ARHGAP32: variants seen among roughly 807,000 people sequenced by gnomAD.
The protein encoded by ARHGAP32 is rho GTPase-activating protein 32.
ARHGAP32 carries 51 observed loss-of-function variants against 186.5 expected under a neutral mutation model. The ratio of observed to expected loss-of-function variants is 0.27; its 90% CI spans 0.22 to 0.35. The LOEUF (loss-of-function observed/expected upper bound fraction) is 0.35, where lower values mean the gene tolerates loss of function less well. Among genes scored for constraint, ARHGAP32 ranks in the 10% least tolerant of loss-of-function variants. ARHGAP32 has a pLI of 1.00. For missense variants in ARHGAP32, 2,186 were observed against 2,623.5 expected, an observed-to-expected ratio of 0.83 and a Z score of 3.64; for synonymous variants, 950 against 964.3, an observed-to-expected ratio of 0.99 and a Z score of 0.27.
At chr11:129,083,291 C>T (rs1941276979) in intron 6 of ARHGAP32, among the ~76,000 whole-genome samples, 1 of 152,162 alleles carries the variant, frequency 6.6e-6, no homozygotes, top group Non-Finnish European at 1.5e-5. Context: ...ATGTTTATAG[C>T]AGCACAATTT....
chr11:129,183,834 C>T (rs1199504730), intron 1 of ARHGAP32, among the ~76,000 whole-genome samples: 1 of 152,076 alleles, frequency 6.6e-6, no homozygotes, highest in Non-Finnish European at 1.5e-5. Context: ...AAAGTTTCCT[C>T]TCAAAACCTA....
In ARHGAP32 at chr11:129,024,118, C is replaced by T. The variant is rs912737390; in HGVS notation, c.1045+16810G>A. 3.0e-6 allele frequency: 3 copies of T among 985,378 alleles called. No individual in the cohort carries two copies. The African/African-American group carries it at 5.2e-5, about 17-fold the overall frequency. The allele number at this position is 985,378 out of a possible 1,614,324, so 61.0% of individuals were successfully genotyped here. Reference sequence around the variant, plus strand: ...CCTGTTTTCAGTCCAGTCAGTGGAGCCCAGCAAGCCAGCAAGTGTGTGGGA... The same window carrying T: ...CCTGTTTTCAGTCCAGTCAGTGGAGTCCAGCAAGCCAGCAAGTGTGTGGGA... On this transcript the variant is annotated intron_variant, in intron 11 of 22. Transcript: ENST00000682385.
chr11:129,144,600 C>A (rs1236258975), intron 2 of ARHGAP32, among the ~76,000 whole-genome samples: 5 of 152,102 alleles, frequency 3.3e-5, no homozygotes, highest in African/African-American at 9.7e-5. Context: ...TGCCAAAAAC[C>A]AGAAACAGGA....
intron 11 of ARHGAP32, among the ~76,000 whole-genome samples, chr11:129,006,697 G>A (rs541405699): frequency 2.0e-5 from 3 of 152,226 alleles, no homozygotes; most frequent in Admixed American, 2.0e-4. Context: ...ACAGCACTGG[G>A]TCTTGCCCAA....
At chr11:128,998,705 C>A (rs1946266616) in intron 11 of ARHGAP32, among the ~76,000 whole-genome samples, 2 of 152,174 alleles carry the variant, frequency 1.3e-5, no homozygotes, top group African/African-American at 4.8e-5. Context: ...GAGGGACTGG[C>A]TGAAGCCATG....
intron 2 of ARHGAP32, among the ~76,000 whole-genome samples, chr11:129,128,728 C>T (rs1461981692): frequency 6.6e-6 from 1 of 152,116 alleles, no homozygotes; most frequent in Admixed American, 6.5e-5. Context: ...GGATTGCAGG[C>T]CCGCACCGCC....
chr11:129,002,938 A>G (rs1937601666), intron 11 of ARHGAP32, among the ~76,000 whole-genome samples: 2 of 149,856 alleles, frequency 1.3e-5, no homozygotes, highest in Admixed American at 6.7e-5. Context: ...CCTCCCGAGT[A>G]GCTGGGACTA....
intron 1 of ARHGAP32, among the ~76,000 whole-genome samples, chr11:129,242,717 C>CAAA (rs1041530601): frequency 9.0e-6 from 1 of 110,982 alleles, no homozygotes; most frequent in Non-Finnish European, 1.9e-5. Context: ...GACTCCACCT[C>CAAA]AAAAAAAAAA....
chr11:129,099,799 C>T (rs1941839599), intron 5 of ARHGAP32, among the ~76,000 whole-genome samples: 1 of 152,074 alleles, frequency 6.6e-6, no homozygotes, highest in Admixed American at 6.5e-5. Flanking sequence ...GGTGAAACAG[C>T]TCCCACTGAG....
At chr11:129,236,466 A>G (rs1944936214) in intron 1 of ARHGAP32, among the ~76,000 whole-genome samples, 1 of 152,152 alleles carries the variant, frequency 6.6e-6, no homozygotes, top group African/African-American at 2.4e-5. Flanking sequence ...GATTCTGAAT[A>G]TTAGTCCTTT....
At chr11:129,274,732 T>C (rs1945510940) in intron 1 of ARHGAP32, among the ~76,000 whole-genome samples, 1 of 152,254 alleles carries the variant, frequency 6.6e-6, no homozygotes, top group South Asian at 2.1e-4. Context: ...AGTCTCTGGA[T>C]AGTAAACTAG....
At chr11:129,241,436 A>G (rs1425401925) in intron 1 of ARHGAP32, among the ~76,000 whole-genome samples, 1 of 152,166 alleles carries the variant, frequency 6.6e-6, no homozygotes, top group African/African-American at 2.4e-5. Flanking sequence ...CGAGCCCAAG[A>G]AGTCAAGACC....
intron 14 of ARHGAP32, 38 bp from the exon 15 acceptor site, chr11:128,986,123 T>G: frequency 2.0e-6 from 3 of 1,478,654 alleles, no homozygotes; most frequent in Non-Finnish European, 9.2e-7. Context: ...TAGTGAGCTC[T>G]GTTAGTAAAA....
At chr11:129,254,594 T>C (rs1034700588) in intron 1 of ARHGAP32, among the ~76,000 whole-genome samples, 1 of 152,162 alleles carries the variant, frequency 6.6e-6, no homozygotes, top group Non-Finnish European at 1.5e-5. Context: ...ACAAAGATCA[T>C]TGCCTTTAAA....
chr11:128,992,155 C>T (rs921048517), intron 12 of ARHGAP32, among the ~76,000 whole-genome samples: 3 of 152,032 alleles, frequency 2.0e-5, no homozygotes, highest in Non-Finnish European at 4.4e-5. Context: ...TTGCTTTTTC[C>T]TACTGTGCTC....
At chr11:129,260,298 T>C (rs1213205396) in intron 1 of ARHGAP32, among the ~76,000 whole-genome samples, 1 of 152,236 alleles carries the variant, frequency 6.6e-6, no homozygotes, top group Non-Finnish European at 1.5e-5. Context: ...AATGGTCTTA[T>C]GATTTCTTAT....
intron 10 of ARHGAP32, among the ~76,000 whole-genome samples, chr11:129,057,256 C>T (rs1940291072): frequency 6.6e-6 from 1 of 152,048 alleles, no homozygotes; most frequent in South Asian, 2.1e-4. Context: ...TCCTGGTGAG[C>T]CCTACTCCCT....
intron 8 of ARHGAP32, 35 bp downstream of exon 8, chr11:129,064,806 T>A: frequency 6.9e-7 from 1 of 1,456,994 alleles, no homozygotes; most frequent in Non-Finnish European, 9.4e-7. Context: ...ATAATTTAAA[T>A]ATACATTTTT....
chr11:129,055,740 A>C (rs1351803490), intron 10 of ARHGAP32, among the ~76,000 whole-genome samples: 1 of 152,212 alleles, frequency 6.6e-6, no homozygotes, highest in East Asian at 1.9e-4. Context: ...ATGACAGTGA[A>C]AGATCACAGG....
Sources: gnomAD v4.1 joint callset for allele counts (sites outside exome capture counted in the v4.1 genomes callset) on GRCh38, gnomAD v4.1.1 for gene constraint, MANE v1.5 for transcripts, NCBI Gene and HGNC (gene_info 2026-07-23, HGNC 2026-07-21) for gene names.